PTPRD: variants seen among roughly 807,000 people sequenced by gnomAD.
The protein encoded by PTPRD is protein tyrosine phosphatase receptor type D.
PTPRD carries 34 observed loss-of-function variants against 214.5 expected under a neutral mutation model. That is an observed-to-expected ratio of 0.16 (90% CI 0.12 to 0.21). The LOEUF is 0.21. PTPRD is among the 10% of genes least tolerant of loss of function. The pLI, the probability that PTPRD is intolerant of heterozygous loss-of-function variation, is 1.00. For missense variants in PTPRD, 2,545 were observed against 2,398.7 expected (o/e 1.06, Z -1.27); for synonymous variants, 1,128 against 845.7 (o/e 1.33, Z -5.79).
intron 12 of PTPRD, among the ~76,000 whole-genome samples, chr9:8,705,404 G>C (rs1043707651): frequency 6.6e-6 from 1 of 152,102 alleles, no homozygotes; most frequent in African/African-American, 2.4e-5. Flanking sequence ...ACCTAAATTT[G>C]TTTTGAAACA....
chr9:8,648,410 T>C (rs1403710118), intron 12 of PTPRD, among the ~76,000 whole-genome samples: 2 of 152,208 alleles, frequency 1.3e-5, no homozygotes, highest in Non-Finnish European at 2.9e-5. Context: ...TTTAGTGACA[T>C]AAATTTCAAG....
chr9:10,563,269 C>A (rs139812163), intron 2 of PTPRD, among the ~76,000 whole-genome samples: 2 of 152,122 alleles, frequency 1.3e-5, no homozygotes, highest in Non-Finnish European at 2.9e-5. Context: ...AGAAAGGAAT[C>A]CTTTCCTTTT....
At chr9:8,616,182 T>G (rs540849661) in intron 14 of PTPRD, among the ~76,000 whole-genome samples, 35 of 152,252 alleles carry the variant, frequency 2.3e-4, no homozygotes, top group African/African-American at 7.9e-4. Flanking sequence ...ACATGAGGCT[T>G]TTTTAGGTAC....
intron 32 of PTPRD, among the ~76,000 whole-genome samples, chr9:8,463,178 T>C (rs777634660): frequency 2.6e-4 from 40 of 151,690 alleles, no homozygotes; most frequent in Non-Finnish European, 3.7e-4. Context: ...CACTGAATGC[T>C]TGTATACTAC....
chr9:10,286,691 A>G (rs1049642214), intron 3 of PTPRD, among the ~76,000 whole-genome samples: 2 of 151,990 alleles, frequency 1.3e-5, no homozygotes, highest in Non-Finnish European at 2.9e-5. Flanking sequence ...TCTGCCTCCC[A>G]TGTTCAAGCA....
chr9:8,340,086 C>A (rs190661577), intron 42 of PTPRD, among the ~76,000 whole-genome samples: 1 of 152,118 alleles, frequency 6.6e-6, no homozygotes, highest in Non-Finnish European at 1.5e-5. Context: ...CAAACGGGGA[C>A]ACCTGCTACT....
intron 7 of PTPRD, among the ~76,000 whole-genome samples, chr9:9,626,246 G>A (rs192696389): frequency 2.6e-5 from 4 of 152,268 alleles, no homozygotes; most frequent in South Asian, 2.1e-4. Flanking sequence ...TATATCTGCC[G>A]GTGGTAGTGC....
At chr9:10,143,129 TG>T (rs1018021343) in intron 3 of PTPRD, among the ~76,000 whole-genome samples, 2 of 150,416 alleles carry the variant, frequency 1.3e-5, no homozygotes, top group Admixed American at 6.6e-5. Context: ...TGTTGTGAGG[TG>T]GGGGGAGGGG....
intron 5 of PTPRD, among the ~76,000 whole-genome samples, chr9:9,818,561 TAG>T (rs1346555242): frequency 6.6e-6 from 1 of 152,114 alleles, no homozygotes. Flanking sequence ...GCAGACGATT[TAG>T]GAAAACTACA....
chr9:8,775,746 G>C (rs190832877), intron 11 of PTPRD, among the ~76,000 whole-genome samples: 1 of 152,002 alleles, frequency 6.6e-6, no homozygotes, highest in South Asian at 2.1e-4. Flanking sequence ...CACTTTGGGA[G>C]GCCAAGGCAG....
chr9:8,480,845 G>C (rs2096866338), intron 30 of PTPRD, among the ~76,000 whole-genome samples: 1 of 152,088 alleles, frequency 6.6e-6, no homozygotes, highest in Non-Finnish European at 1.5e-5. Context: ...CAGATTTCTA[G>C]ATAATAGAAG....
At chr9:8,705,364 C>A (rs774458623) in intron 12 of PTPRD, among the ~76,000 whole-genome samples, 1 of 152,140 alleles carries the variant, frequency 6.6e-6, no homozygotes, top group African/African-American at 2.4e-5. Flanking sequence ...GGATTACAGG[C>A]ACCTGCTACC....
intron 37 of PTPRD, among the ~76,000 whole-genome samples, chr9:8,378,363 T>G (rs1423860288): frequency 1.3e-5 from 2 of 152,050 alleles, no homozygotes; most frequent in East Asian, 3.9e-4. Context: ...AGATGACATA[T>G]TTAGCAAAAG....
intron 5 of PTPRD, among the ~76,000 whole-genome samples, chr9:9,767,236 A>T (rs747337386): frequency 6.6e-6 from 1 of 152,068 alleles, no homozygotes; most frequent in Non-Finnish European, 1.5e-5. Context: ...AGAAAGATGA[A>T]GCAGGTTAAA....
At chr9:8,434,547 T>A (rs958598371) in intron 35 of PTPRD, among the ~76,000 whole-genome samples, 1 of 152,096 alleles carries the variant, frequency 6.6e-6, no homozygotes, top group Non-Finnish European at 1.5e-5. Context: ...TGGTTTAAAG[T>A]TATATTGGTG....
chr9:10,013,432 A>G (rs916496123), intron 4 of PTPRD, among the ~76,000 whole-genome samples: 1 of 152,060 alleles, frequency 6.6e-6, no homozygotes, highest in South Asian at 2.1e-4. Context: ...AACACTTAAG[A>G]CTATATAGGT....
At chr9:8,501,233 A>C (rs1016136304) in intron 23 of PTPRD, among the ~76,000 whole-genome samples, 174 bp from the exon 24 acceptor site, 35 of 152,256 alleles carry the variant, frequency 2.3e-4, no homozygotes, top group Non-Finnish European at 2.9e-5. Context: ...TTGGCTTAGT[A>C]ATATGAATAA....
intron 3 of PTPRD, among the ~76,000 whole-genome samples, chr9:10,247,166 T>C (rs973094154): frequency 1.3e-5 from 2 of 152,124 alleles, no homozygotes; most frequent in Admixed American, 6.6e-5. Context: ...TTAGTCATAA[T>C]TGTTAATAGT....
At chr9:10,224,060 A>T (rs2099580663) in intron 3 of PTPRD, among the ~76,000 whole-genome samples, 1 of 151,910 alleles carries the variant, frequency 6.6e-6, no homozygotes, top group East Asian at 1.9e-4. Flanking sequence ...ATAAGTGACA[A>T]ATCTTCATAT....
Sources: allele counts gnomAD v4.1 joint callset (sites outside exome capture counted in the v4.1 genomes callset), GRCh38; gene constraint gnomAD v4.1.1; transcripts MANE v1.5; gene names NCBI Gene and HGNC (gene_info 2026-07-23, HGNC 2026-07-21).